The following WDR97 variants were observed in gnomAD, a reference collection of about 807,000 sequenced individuals.
WDR97 encodes the protein WD repeat domain 97.
In WDR97, 111 loss-of-function variants were observed where a neutral mutation model predicts 65.4. That is an observed-to-expected ratio of 1.70 (90% CI 1.45 to 1.99). The LOEUF (loss-of-function observed/expected upper bound fraction) is 1.99, where lower values mean the gene tolerates loss of function less well. Ranked by LOEUF, WDR97 falls within the 30% of genes most tolerant of loss-of-function variation. The pLI is 0.00. For missense variants in WDR97, 1,674 were observed against 865.0 expected (o/e 1.94, Z -11.73); for synonymous variants, 802 against 397.7 (o/e 2.02, Z -12.10).
Position 144,109,422 on chromosome 8 carries a change from A to AGGC in WDR97, c.1096_1098dup (p.Ala366dup). On this transcript the variant is annotated inframe_insertion, in exon 5 of 24. Coordinates refer to ENST00000323662, the MANE Select transcript of WDR97 (RefSeq NM_001316309.2). ...GGGACGCTACGCACCTGGGACCTGC[A>AGGC]GGCGGCGGCGCAGGTGGGCGAGGTA... 2.8e-6 allele frequency: 2 copies of AGGC among 702,180 alleles called. No individual in the cohort carries two copies. Among genetic ancestry groups the AGGC allele is most frequent in the South Asian group, 3.0e-5 (2 of 67,550 alleles). 43.5% of individuals were successfully genotyped at this position (702,180 alleles called of 1,614,324 possible). A position where few individuals can be genotyped will look rare whatever the true frequency, so the allele number is the denominator to read the frequency against.
Position 144,113,773 on chromosome 8 carries a change from CAAG to C in WDR97, c.3304_3306del (p.Lys1102del). The C allele has an allele frequency of 2.8e-6, 2 of 702,660 alleles. No homozygotes were observed. The highest frequency in any genetic ancestry group is 3.0e-5 in the South Asian group (2 of 67,510). 43.5% of individuals were successfully genotyped at this position (702,660 alleles called of 1,614,324 possible). ...AGCCTGGGGAGGAGGGGGAGGAAGA[CAAG>C]AAGGAAGAGGAGGAGGAGAAGGAAG... On this transcript the variant is annotated inframe_deletion, in exon 17 of 24. Transcript: ENST00000323662.
At position 144,114,091 on chromosome 8, in the gene WDR97, C is replaced by G. The variant is rs1467663226; in HGVS notation, c.3523C>G (p.Leu1175Val). ...SLLLDEHYGH[L>V]PKFLHFFIYQ... ...GCTCTTGGATGAGCATTACGGGCAT[C>G]TGCCCAAGTTTCTGCATTTCTTCAT... is the stretch of plus-strand genomic sequence containing the variant. Residue 1175 changes from leucine to valine, a missense_variant, in exon 18 of 24, where the codon CTG (leucine) becomes GTG (valine). Leu to Val is a conservative substitution (Grantham distance 32, BLOSUM62 1). Transcript: ENST00000323662. 1.0e-5 allele frequency: 7 copies of G among 702,744 alleles called. No homozygotes were observed. Among genetic ancestry groups the G allele is most frequent in the Non-Finnish European group, 1.6e-5 (6 of 385,012 alleles). 43.5% of individuals were successfully genotyped at this position (702,744 alleles called of 1,614,324 possible). A position where few individuals can be genotyped will look rare whatever the true frequency, so the allele number is the denominator to read the frequency against.
At chr8:144,113,207 C>T in intron 15 of WDR97, 1 of 566,252 alleles carries the variant, frequency 1.8e-6, no homozygotes. Context: ...TCCAGGTTTC[C>T]CTTCTCGTTT....
At position 144,116,136 on chromosome 8, in the gene WDR97, C is replaced by G. The variant is rs2130125283; in HGVS notation, c.4712C>G (p.Pro1571Arg). The G allele has an allele frequency of 2.9e-6, 2 of 699,850 alleles. No homozygotes were observed. The highest frequency in any genetic ancestry group is 2.7e-5 in the East Asian group (1 of 37,220). 43.4% of individuals were successfully genotyped at this position (699,850 alleles called of 1,614,324 possible). The change falls in exon 24 of 24, where the codon CCC (proline) becomes CGC (arginine). Residue 1571 changes from proline (P) to arginine (R), a missense_variant. By Grantham distance (103) the Pro-to-Arg change is moderately radical (BLOSUM62 -2). Coordinates refer to ENST00000323662, the MANE Select transcript of WDR97 (RefSeq NM_001316309.2). ...TGTGCGGGCCGCACCCTGGACGGCC[C>G]CATCCGGACGCTGAAGCTGCCGTTG... Reference protein sequence around the residue: ...RLCAGRTLDGPIRTLKLPLPR... With the variant: ...RLCAGRTLDGRIRTLKLPLPR...
chr8:144,113,177 C>G (rs80161654), intron 15 of WDR97: 8 of 549,340 alleles, frequency 1.5e-5, no homozygotes, highest in Non-Finnish European at 2.2e-5. Flanking sequence ...GGTGTCAGGG[C>G]CCCTAGAAGC....
At chr8:144,112,659 A>T (rs1161408077) in intron 15 of WDR97, 129 bp downstream of exon 15, 3 of 656,536 alleles carry the variant, frequency 4.6e-6, no homozygotes, top group Non-Finnish European at 8.4e-6. Context: ...CTACAACCAG[A>T]GGGCCAGGCT....
chr8:144,111,856 T>C (rs1836557034), intron 12 of WDR97, 31 bp from the exon 13 acceptor site: 1 of 687,886 alleles, frequency 1.5e-6, no homozygotes, highest in Non-Finnish European at 2.7e-6. Flanking sequence ...ACCTGGTCTC[T>C]GATGGTCTGT....
In WDR97 at chr8:144,115,399, C is replaced by T. The variant is rs748378136; in HGVS notation, c.4136C>T (p.Pro1379Leu). The T allele has an allele frequency of 1.2e-4, 76 of 641,150 alleles. 1 individual carries two copies. In the South Asian group the frequency reaches 1.3e-3, roughly 11 times the overall value. The allele number at this position is 641,150 out of a possible 1,614,324, so 39.7% of individuals were successfully genotyped here. ...SGAPTRASVI[P>L]SGTSWSASGI... The stretch of plus-strand genomic sequence containing the variant: ...GCACCCACACGCGCCTCCGTGATAC[C>T]CTCGGGCACCTCCTGGTCGGCCTCC... The change falls in exon 22 of 24, where the codon CCC becomes CTC. Residue 1379 changes from proline (P) to leucine (L), a missense_variant. By Grantham distance (98) the Pro-to-Leu change is moderately conservative (BLOSUM62 -3). Transcript: ENST00000323662.
Position 144,115,970 on chromosome 8 carries a change from G to A in WDR97, c.4623G>A (p.Glu1541=). 1.4e-6 allele frequency: 1 copy of A among 701,054 alleles called. No homozygotes were observed. The highest frequency in any genetic ancestry group is 2.6e-6 in the Non-Finnish European group (1 of 384,438). 43.4% of individuals were successfully genotyped at this position (701,054 alleles called of 1,614,324 possible). The change falls in exon 23 of 24, where the codon GAG becomes GAA. Residue 1541 remains glutamate, a synonymous_variant. Coordinates refer to ENST00000323662, the MANE Select transcript of WDR97 (RefSeq NM_001316309.2). ...ACCACCCCATCCTCCGGCTGCAGGAGGCCAAGCCGCAGAGGTCCGCGAGGT... is the reference window on the plus strand; with the variant it reads ...ACCACCCCATCCTCCGGCTGCAGGAAGCCAAGCCGCAGAGGTCCGCGAGGT... ...HWYHPILRLQ[E]AKPQRSARSA...
Position 144,111,406 on chromosome 8 carries a change from G to C in WDR97, c.2427-20G>C, listed in dbSNP as rs1482087410. ...TGGCATGCCACCCAGCATCCCACCT[G>C]TGCCTGTCCCTGTTTGCAGCGAGGC... On this transcript the variant is annotated intron_variant, in intron 10 of 23. Coordinates refer to ENST00000323662, the MANE Select transcript of WDR97 (RefSeq NM_001316309.2). The C allele has an allele frequency of 1.1e-5, 8 of 702,644 alleles. No individual in the cohort carries two copies. The East Asian group carries it at 1.9e-4, about 16-fold the overall frequency. The allele number at this position is 702,644 out of a possible 1,614,324, so 43.5% of individuals were successfully genotyped here. A position where few individuals can be genotyped will look rare whatever the true frequency, so the allele number is the denominator to read the frequency against.
At position 144,110,967 on chromosome 8, in the gene WDR97, C is replaced by T; in HGVS notation, c.2275C>T (p.Leu759Phe). ...GSRLCLVSHRLYLPTSYLVKK... is the reference protein window; with the variant it reads ...GSRLCLVSHRFYLPTSYLVKK... ...CCGCCTCTGCCTGGTGTCCCACAGG[C>T]TCTACCTGCCTACATCCTACCTAGT... The change falls in exon 9 of 24, where the codon CTC (leucine) becomes TTC (phenylalanine). Residue 759 changes from leucine (L) to phenylalanine (F), a missense_variant. Transcript: ENST00000323662. The T allele has an allele frequency of 2.8e-6, 2 of 702,816 alleles. No individual in the cohort carries two copies. The highest frequency in any genetic ancestry group is 5.2e-6 in the Non-Finnish European group (2 of 384,988). The allele number at this position is 702,816 out of a possible 1,614,324, so 43.5% of individuals were successfully genotyped here. A position where few individuals can be genotyped will look rare whatever the true frequency, so the allele number is the denominator to read the frequency against.
At position 144,113,460 on chromosome 8, in the gene WDR97, C is replaced by T. The variant is rs913572088; in HGVS notation, c.3126C>T (p.Cys1042=). 4.3e-6 allele frequency: 3 copies of T among 702,392 alleles called. No individual in the cohort carries two copies. Among genetic ancestry groups the T allele is most frequent in the Non-Finnish European group, 7.8e-6 (3 of 384,834 alleles). The allele number at this position is 702,392 out of a possible 1,614,324, so 43.5% of individuals were successfully genotyped here. A position where few individuals can be genotyped will look rare whatever the true frequency, so the allele number is the denominator to read the frequency against. ...TCCAGCACTGCCTGAGGCCCATCTGCTTCCCCGGCTATGTGCCCAACTCCG... is the reference window on the plus strand; with the variant it reads ...TCCAGCACTGCCTGAGGCCCATCTGTTTCCCCGGCTATGTGCCCAACTCCG... ...QPHKHCLRPI[C]FPGYVPNSAV... is the part of the protein sequence containing the mutation. Residue 1042 remains cysteine, a synonymous_variant, in exon 16 of 24, where the codon TGC becomes TGT. Transcript: ENST00000323662.
rs1245182664 is a variant in WDR97 at position 144,117,372 on chromosome 8, A to G, written c.*1079A>G. On this transcript the variant is annotated 3_prime_UTR_variant, in exon 24 of 24. Transcript: ENST00000323662. ...AGAGGACTTGACACTTTTTATAAAA[A>G]AAATGAGTAAACCTAGATACCTCGA... The G allele has an allele frequency of 1.3e-5, 2 of 152,266 alleles. No homozygotes were observed. Among genetic ancestry groups the G allele is most frequent in the Non-Finnish European group, 2.9e-5 (2 of 68,070 alleles). The allele number at this position is 152,266 out of a possible 1,614,324, so 9.4% of individuals were successfully genotyped here.
chr8:144,115,226 T>G (rs1836626980), intron 21 of WDR97, 115 bp from the exon 22 acceptor site: 5 of 566,876 alleles, frequency 8.8e-6, no homozygotes, highest in Admixed American at 3.4e-5. Context: ...GCCAGGGTGC[T>G]TGGCCATGGG....
Position 144,116,679 on chromosome 8 carries a change from C to G in WDR97, c.*386C>G, listed in dbSNP as rs934969753. On this transcript the variant is annotated 3_prime_UTR_variant, in exon 24 of 24. Transcript: ENST00000323662. ...CCCACAGCCTGGTGTGGAGGGGAGT[C>G]CGGGAGGGCCTGGGCGGTCCCAGGA... 7 of 177,428 alleles carry G rather than the reference C, an allele frequency of 3.9e-5. No individual in the cohort carries two copies. The highest frequency in any genetic ancestry group is 6.2e-5 in the Admixed American group (1 of 16,064). 11.0% of individuals were successfully genotyped at this position (177,428 alleles called of 1,614,324 possible). A position where few individuals can be genotyped will look rare whatever the true frequency, so the allele number is the denominator to read the frequency against.
In WDR97 at chr8:144,108,505, C is replaced by T. The variant is rs747791199; in HGVS notation, c.439C>T (p.Pro147Ser). 2.9e-6 allele frequency: 2 copies of T among 700,918 alleles called. No individual in the cohort carries two copies. Among genetic ancestry groups the T allele is most frequent in the East Asian group, 2.7e-5 (1 of 37,260 alleles). The allele number at this position is 700,918 out of a possible 1,614,324, so 43.4% of individuals were successfully genotyped here. ...DGWAQETLLAPVRLTGLVTVL... is the reference protein window; with the variant it reads ...DGWAQETLLASVRLTGLVTVL... ...CTGGGCACAGGAGACGCTGCTGGCG[C>T]CTGTCCGGCTTACGGGGCTGGTGAC... The change falls in exon 3 of 24, where the codon CCT (proline) becomes TCT (serine). Residue 147 changes from proline to serine, a missense_variant. Physicochemically the swap from Pro to Ser is moderately conservative, Grantham distance 74 (BLOSUM62 -1). Transcript: ENST00000323662.
Position 144,117,320 on chromosome 8 carries a change from A to C in WDR97, c.*1027A>C, listed in dbSNP as rs1156433170. On this transcript the variant is annotated 3_prime_UTR_variant, in exon 24 of 24. Coordinates refer to ENST00000323662, the MANE Select transcript of WDR97 (RefSeq NM_001316309.2). ...GAAGGCCAAGGTTCACAGGTGTGCG[A>C]TGAGACTGAGGACTGAGTCTGTCAC... 1 of 152,256 alleles carries C rather than the reference A, an allele frequency of 6.6e-6. No homozygotes were observed. Among genetic ancestry groups the C allele is most frequent in the Non-Finnish European group, 1.5e-5 (1 of 68,066 alleles). 9.4% of individuals were successfully genotyped at this position (152,256 alleles called of 1,614,324 possible).
chr8:144,115,005 G>A, intron 21 of WDR97, 94 bp downstream of exon 21: 1 of 613,670 alleles, frequency 1.6e-6, no homozygotes, highest in South Asian at 1.9e-5. Flanking sequence ...GAGGCCACAG[G>A]CTCCTTCCTT....
rs967232797 is a variant in WDR97, at chr8:144,112,297, G to C, written c.2969G>C (p.Arg990Pro). 1.4e-6 allele frequency: 1 copy of C among 702,624 alleles called. No individual in the cohort carries two copies. The highest frequency in any genetic ancestry group is 1.7e-5 in the African/African-American group (1 of 57,254). The allele number at this position is 702,624 out of a possible 1,614,324, so 43.5% of individuals were successfully genotyped here. A position where few individuals can be genotyped will look rare whatever the true frequency, so the allele number is the denominator to read the frequency against. Residue 990 changes from arginine (R) to proline (P), a missense_variant, in exon 14 of 24, where the codon CGA becomes CCA. Physicochemically the swap from Arg to Pro is moderately radical, Grantham distance 103. Transcript: ENST00000323662. ...LDLQLQLEQL[R>P]GRTTMALDLP... is the part of the protein sequence containing the mutation. ...CTGCAGCTGCAGTTGGAGCAGCTCC[G>C]AGGGAGGACGACCATGGCCCTGGAC...
Sources: gnomAD v4.1 joint callset for allele counts on GRCh38, gnomAD v4.1.1 for gene constraint, MANE v1.5 for transcripts, NCBI Gene and HGNC (gene_info 2026-07-23, HGNC 2026-07-21) for gene names.